Variants in PEX11A observed in about 807,000 individuals in gnomAD.
PEX11A encodes the protein peroxisomal membrane protein 11A.
In PEX11A, 13 loss-of-function variants were observed where a neutral mutation model predicts 14.4. The ratio of observed to expected loss-of-function variants is 0.90; its 90% CI spans 0.59 to 1.43. PEX11A has a LOEUF of 1.43. PEX11A is among the 40% of genes most tolerant of loss of function. The probability of loss-of-function intolerance (pLI) is 0.00; values close to 1 mark genes in which losing one functional copy is unlikely to be tolerated. For missense variants in PEX11A, 290 were observed against 302.8 expected (o/e 0.96, Z 0.31); for synonymous variants, 101 against 113.0 (o/e 0.89, Z 0.67).
rs1251666015 is a variant in PEX11A, at chr15:89,690,741, G to A, written c.-109C>T. The A allele has an allele frequency of 4.3e-6, 3 of 691,944 alleles. No individual in the cohort carries two copies. Among genetic ancestry groups the A allele is most frequent in the South Asian group, 1.8e-5 (1 of 55,232 alleles). 42.9% of individuals were successfully genotyped at this position (691,944 alleles called of 1,614,324 possible). ...TCCCAGGTTATCCGCTGAGGGGGAG[G>A]GGCTGAGTCTCTCCGCCCCAGAGGG... On this transcript the variant is annotated 5_prime_UTR_variant, in exon 1 of 3. Coordinates refer to ENST00000300056, the MANE Select transcript of PEX11A (RefSeq NM_003847.3).
intron 1 of PEX11A, among the ~76,000 whole-genome samples, chr15:89,688,972 C>A (rs963640586): frequency 6.6e-6 from 1 of 152,122 alleles, no homozygotes; most frequent in Non-Finnish European, 1.5e-5. Context: ...CCTCAGCCTC[C>A]CAAAGTGCTG....
intron 2 of PEX11A, among the ~76,000 whole-genome samples, chr15:89,684,388 C>T (rs969638386): frequency 1.3e-5 from 2 of 152,198 alleles, no homozygotes; most frequent in African/African-American, 2.4e-5. Context: ...ATACTCCAGG[C>T]AAGGTCAATC....
intron 2 of PEX11A, among the ~76,000 whole-genome samples, 184 bp downstream of exon 2, chr15:89,686,247 A>C (rs1390074494): frequency 1.3e-5 from 2 of 152,258 alleles, no homozygotes; most frequent in African/African-American, 4.8e-5. Flanking sequence ...GAGGGTGTTT[A>C]TGAATGGTCT....
Position 89,686,427 on chromosome 15 carries a change from T to A in PEX11A, c.172+4A>T, listed in dbSNP as rs764230153. 7 of 1,330,292 alleles carry A rather than the reference T, an allele frequency of 5.3e-6. No homozygotes were observed. The highest frequency in any genetic ancestry group is 7.6e-6 in the Non-Finnish European group (7 of 922,990). The allele number at this position is 1,330,292 out of a possible 1,614,324, so 82.4% of individuals were successfully genotyped here. On this transcript the variant is annotated splice_donor_region_variant and intron_variant, in intron 2 of 2. Coordinates refer to ENST00000300056, the MANE Select transcript of PEX11A (RefSeq NM_003847.3). ...CACTGTCCCTCAAGAAACAGGGTAC[T>A]TACATTTACGACCAGTGCTCACACT...
chr15:89,688,994 G>A (rs1023487492), intron 1 of PEX11A, among the ~76,000 whole-genome samples: 17 of 152,298 alleles, frequency 1.1e-4, no homozygotes, highest in Admixed American at 3.3e-4. Context: ...GATTACAGGT[G>A]TAAGCCACTG....
chr15:89,683,047 T>C lies in PEX11A; in HGVS notation c.*330A>G. ...ACTGGTGTTCAATGATCAGTGCGAT[T>C]GGGTCTTTTTAAATTTTTTCCTTTC... On this transcript the variant is annotated 3_prime_UTR_variant, in exon 3 of 3. Transcript: ENST00000300056. 1 of 280,044 alleles carries C rather than the reference T, an allele frequency of 3.6e-6. No homozygotes were observed. The highest frequency in any genetic ancestry group is 6.7e-6 in the Non-Finnish European group (1 of 148,998). 17.3% of individuals were successfully genotyped at this position (280,044 alleles called of 1,614,324 possible).
chr15:89,690,205 C>T (rs1336799934), intron 1 of PEX11A, among the ~76,000 whole-genome samples: 1 of 152,222 alleles, frequency 6.6e-6, no homozygotes, highest in Non-Finnish European at 1.5e-5. Context: ...CAAAGTTTCT[C>T]TTTAAAGGAG....
intron 1 of PEX11A, among the ~76,000 whole-genome samples, chr15:89,687,670 G>A (rs1003157196): frequency 1.2e-4 from 18 of 152,024 alleles, no homozygotes; most frequent in African/African-American, 3.9e-4. Flanking sequence ...ATAAAAATGC[G>A]GTACATTTTC....
At chr15:89,687,913 A>G (rs767068214) in intron 1 of PEX11A, 30 of 486,956 alleles carry the variant, frequency 6.2e-5, no homozygotes, top group Non-Finnish European at 1.1e-4. Flanking sequence ...TGTCTTCATA[A>G]TAAAACAAAA....
chr15:89,688,061 T>C, intron 1 of PEX11A: 2 of 535,284 alleles, frequency 3.7e-6, no homozygotes, highest in East Asian at 5.1e-5. Flanking sequence ...CACAAACTTC[T>C]TGGTAGTTTT....
intron 1 of PEX11A, among the ~76,000 whole-genome samples, chr15:89,688,873 G>A (rs1187158345): frequency 1.3e-5 from 2 of 151,416 alleles, no homozygotes; most frequent in Admixed American, 6.6e-5. Flanking sequence ...CCACCACAAC[G>A]CCCAGCTAAT....
At chr15:89,689,988 C>T (rs1237009681) in intron 1 of PEX11A, among the ~76,000 whole-genome samples, 2 of 152,116 alleles carry the variant, frequency 1.3e-5, no homozygotes, top group Non-Finnish European at 2.9e-5. Flanking sequence ...AAAAAGTAGC[C>T]GGGCGTGGTA....
chr15:89,690,508 T>C, intron 1 of PEX11A, 69 bp downstream of exon 1: 1 of 1,182,482 alleles, frequency 8.5e-7, no homozygotes, highest in Non-Finnish European at 1.2e-6. Flanking sequence ...TTTTCCCGGG[T>C]GCAGGGGAAT....
intron 1 of PEX11A, among the ~76,000 whole-genome samples, chr15:89,689,947 A>C (rs1196829918): frequency 6.6e-6 from 1 of 152,200 alleles, no homozygotes. Context: ...CCTGGCCAAC[A>C]TGGCGAAACC....
At chr15:89,686,870 A>G (rs2141551470) in intron 1 of PEX11A, among the ~76,000 whole-genome samples, 1 of 152,208 alleles carries the variant, frequency 6.6e-6, no homozygotes, top group Non-Finnish European at 1.5e-5. Context: ...CCCTCATGTT[A>G]AGTCTACAAA....
chr15:89,683,571 AAAG>A lies in PEX11A; in HGVS notation c.547_549del (p.Leu184del), dbSNP rs1964629210. On this transcript the variant is annotated inframe_deletion, in exon 3 of 3. Coordinates refer to ENST00000300056, the MANE Select transcript of PEX11A (RefSeq NM_003847.3). ...GGATGCTGCTTCAGAGATCGGAATAAAAGAAGTAGAAAGGATTGGAGCCATTCT... is the reference window on the plus strand; with the variant it reads ...GGATGCTGCTTCAGAGATCGGAATAAAAGTAGAAAGGATTGGAGCCATTCT... 6.2e-7 allele frequency: 1 copy of A among 1,614,044 alleles called. No homozygotes were observed. The highest frequency in any genetic ancestry group is 1.3e-5 in the African/African-American group (1 of 74,914).
Position 89,690,687 on chromosome 15 carries a change from G to C in PEX11A, c.-55C>G. 3 of 1,329,164 alleles carry C rather than the reference G, an allele frequency of 2.3e-6. No homozygotes were observed. Among genetic ancestry groups the C allele is most frequent in the Non-Finnish European group, 3.2e-6 (3 of 947,870 alleles). 82.3% of individuals were successfully genotyped at this position (1,329,164 alleles called of 1,614,324 possible). On this transcript the variant is annotated 5_prime_UTR_variant, in exon 1 of 3. Transcript: ENST00000300056. The stretch of plus-strand genomic sequence containing the variant: ...CGGGGCTCAGGCGTGGGTCCTCTGG[G>C]GCCCGTCGGATCCCCAGGGAACGGT...
chr15:89,690,119 G>A (rs2141557283), intron 1 of PEX11A, among the ~76,000 whole-genome samples: 1 of 152,040 alleles, frequency 6.6e-6, no homozygotes, highest in Non-Finnish European at 1.5e-5. Flanking sequence ...GCGAGACTCC[G>A]TCTCAAAAGA....
intron 1 of PEX11A, among the ~76,000 whole-genome samples, chr15:89,687,505 A>G (rs1964695213): frequency 6.6e-6 from 1 of 152,228 alleles, no homozygotes; most frequent in South Asian, 2.1e-4. Context: ...ATGCTTACAA[A>G]TAACAATGAC....
Sources: gnomAD v4.1 joint callset for allele counts (sites outside exome capture counted in the v4.1 genomes callset) on GRCh38, gnomAD v4.1.1 for gene constraint, MANE v1.5 for transcripts, NCBI Gene and HGNC (gene_info 2026-07-23, HGNC 2026-07-21) for gene names.